Variants in PRDM5 observed in about 807,000 individuals in gnomAD.
PRDM5 encodes PR domain zinc finger protein 5.
A neutral mutation model predicts 81.2 loss-of-function variants in PRDM5; 56 were observed. The observed-to-expected ratio is 0.69, with a 90% CI of 0.56 to 0.86. PRDM5 has a LOEUF of 0.86. Among genes scored for constraint, PRDM5 ranks in the 40% least tolerant of loss-of-function variants. The probability of loss-of-function intolerance (pLI) is 0.00; values close to 1 mark genes in which losing one functional copy is unlikely to be tolerated. For missense variants in PRDM5, 697 were observed against 770.1 expected (o/e 0.91, Z 1.12); for synonymous variants, 267 against 256.4 (o/e 1.04, Z -0.39).
At chr4:120,688,579 C>T (rs1389853045), downstream of PRDM5, among the ~76,000 whole-genome samples, 1 of 152,032 alleles carries the variant, frequency 6.6e-6, no homozygotes, top group East Asian at 1.9e-4. Flanking sequence ...CATTTTCCCC[C>T]ATATTTCTTT....
chr4:120,889,323 T>C (rs1763799261), intron 2 of PRDM5, among the ~76,000 whole-genome samples: 1 of 152,196 alleles, frequency 6.6e-6, no homozygotes, highest in South Asian at 2.1e-4. Context: ...GAAAATGACA[T>C]ACTTTTCCCA....
At position 120,693,595 on chromosome 4, in the gene PRDM5, C is replaced by G. The variant is rs991502131; in HGVS notation, c.*1516G>C. The G allele has an allele frequency of 6.6e-6, 1 of 152,082 alleles. No individual in the cohort carries two copies. Among genetic ancestry groups the G allele is most frequent in the African/African-American group, 2.4e-5 (1 of 41,434 alleles). The allele number at this position is 152,082 out of a possible 1,614,324, so 9.4% of individuals were successfully genotyped here. On this transcript the variant is annotated 3_prime_UTR_variant, in exon 16 of 16. Transcript: ENST00000264808. ...GAGTTTCAAATTTAGTATTTTACAA[C>G]ATTCAAATGTCTACATTGAATCTTT...
intron 3 of PRDM5, among the ~76,000 whole-genome samples, chr4:120,827,569 T>C (rs1039993217): frequency 6.6e-6 from 1 of 152,142 alleles, no homozygotes; most frequent in African/African-American, 2.4e-5. Flanking sequence ...AAATTTTGAA[T>C]GGTTAACTTT....
chr4:120,760,650 A>C (rs557553357), intron 13 of PRDM5, among the ~76,000 whole-genome samples: 1 of 152,344 alleles, frequency 6.6e-6, no homozygotes, highest in Non-Finnish European at 1.5e-5. Context: ...AACAAACAGA[A>C]GCATGATGGT....
At chr4:120,716,518 C>A (rs1487886565) in intron 14 of PRDM5, among the ~76,000 whole-genome samples, 2 of 152,160 alleles carry the variant, frequency 1.3e-5, no homozygotes, top group Admixed American at 1.3e-4. Context: ...GCAAGAAAGG[C>A]TCTCTGTCAT....
intron 2 of PRDM5, among the ~76,000 whole-genome samples, chr4:120,890,283 C>T (rs1272825429): frequency 6.6e-6 from 1 of 152,084 alleles, no homozygotes; most frequent in South Asian, 2.1e-4. Context: ...TTGTTACACA[C>T]TTTTAAATGA....
At chr4:120,737,573 C>T (rs1741302833) in intron 14 of PRDM5, among the ~76,000 whole-genome samples, 1 of 152,222 alleles carries the variant, frequency 6.6e-6, no homozygotes, top group Admixed American at 6.5e-5. Context: ...CTGACAGACA[C>T]AAGCAGGGCC....
chr4:120,756,319 T>C (rs1367563344), intron 13 of PRDM5, among the ~76,000 whole-genome samples: 1 of 152,196 alleles, frequency 6.6e-6, no homozygotes. Flanking sequence ...GTATTTATCC[T>C]TTGGTCTTAT....
chr4:120,882,838 C>T (rs570337662), intron 2 of PRDM5, among the ~76,000 whole-genome samples: 46 of 152,284 alleles, frequency 3.0e-4, no homozygotes, highest in Non-Finnish European at 4.3e-4. Flanking sequence ...AAACAACGTA[C>T]GTGCCTCATA....
chr4:120,827,251 T>C (rs951142124), intron 3 of PRDM5, among the ~76,000 whole-genome samples: 10 of 152,144 alleles, frequency 6.6e-5, no homozygotes, highest in African/African-American at 2.4e-4. Context: ...CATCATATAA[T>C]ATGGAATTCA....
At chr4:120,826,815 C>T (rs1868715) in intron 3 of PRDM5, among the ~76,000 whole-genome samples, 56,587 of 151,720 alleles carry the variant, frequency 0.37, 10,742 homozygotes, top group African/African-American at 0.44. Flanking sequence ...TCCTGACAGA[C>T]TGTATATGGA....
intron 14 of PRDM5, among the ~76,000 whole-genome samples, chr4:120,719,113 C>A (rs1246790149): frequency 6.6e-6 from 1 of 152,160 alleles, no homozygotes; most frequent in African/African-American, 2.4e-5. Flanking sequence ...AGCAAAAGGG[C>A]CAGATAATTC....
At chr4:120,708,826 G>C (rs1008680668) in intron 15 of PRDM5, among the ~76,000 whole-genome samples, 1 of 152,012 alleles carries the variant, frequency 6.6e-6, no homozygotes, top group Non-Finnish European at 1.5e-5. Flanking sequence ...AGTGGGGTGG[G>C]AAACAGTGAC....
intron 14 of PRDM5, among the ~76,000 whole-genome samples, chr4:120,740,289 T>A (rs1220967773): frequency 6.6e-6 from 1 of 152,192 alleles, no homozygotes; most frequent in Non-Finnish European, 1.5e-5. Context: ...GTTTAGAAAT[T>A]CTAAAAATGT....
chr4:120,848,152 A>C (rs1374965204), intron 3 of PRDM5, among the ~76,000 whole-genome samples: 2 of 152,204 alleles, frequency 1.3e-5, no homozygotes, highest in Non-Finnish European at 2.9e-5. Context: ...TATGAAGAAG[A>C]AGCAGGTGCA....
Position 120,785,012 on chromosome 4 carries a change from AGGTGTCTC to A in PRDM5, c.1260_1267del (p.Gln420HisfsTer5), listed in dbSNP as rs1249167312. Reference sequence around the variant, plus strand: ...TCGTGACTTACTGTTATGTATTAGCAGGTGTCTCTGTAAAGAAAATGGGGTCCGGAACA... The same window carrying A: ...TCGTGACTTACTGTTATGTATTAGCATGTAAAGAAAATGGGGTCCGGAACA... On this transcript the variant is annotated frameshift_variant, in exon 11 of 16. Transcript: ENST00000264808. LOFTEE classifies it high-confidence loss of function. 6.3e-7 allele frequency: 1 copy of A among 1,599,522 alleles called. No individual in the cohort carries two copies. Among genetic ancestry groups the A allele is most frequent in the Non-Finnish European group, 8.6e-7 (1 of 1,166,928 alleles).
intron 13 of PRDM5, among the ~76,000 whole-genome samples, chr4:120,774,225 G>A (rs370324526): frequency 1.3e-5 from 2 of 152,224 alleles, no homozygotes; most frequent in East Asian, 3.9e-4. Flanking sequence ...TCCCCACCCT[G>A]CCTTCACTCA....
At chr4:120,850,565 C>A (rs1034749504) in intron 3 of PRDM5, among the ~76,000 whole-genome samples, 1 of 152,076 alleles carries the variant, frequency 6.6e-6, no homozygotes, top group African/African-American at 2.4e-5. Flanking sequence ...CACTGCATCC[C>A]TATTAAGAAA....
chr4:120,798,948 T>C (rs546272636), intron 9 of PRDM5, among the ~76,000 whole-genome samples: 3 of 152,310 alleles, frequency 2.0e-5, no homozygotes, highest in African/African-American at 4.8e-5. Context: ...AAATAAAGCA[T>C]ACCTAAAAGA....
Sources: allele counts gnomAD v4.1 joint callset (sites outside exome capture counted in the v4.1 genomes callset), GRCh38; gene constraint gnomAD v4.1.1; transcripts MANE v1.5; gene names NCBI Gene and HGNC (gene_info 2026-07-23, HGNC 2026-07-21).